The following RIMS4 variants were observed in gnomAD, a reference collection of about 807,000 sequenced individuals.
The protein encoded by RIMS4 is regulating synaptic membrane exocytosis protein 4.
A neutral mutation model predicts 29.0 loss-of-function variants in RIMS4; 9 were observed. The ratio of observed to expected loss-of-function variants is 0.31; its 90% CI spans 0.19 to 0.54. The LOEUF (loss-of-function observed/expected upper bound fraction) is 0.54. RIMS4 is among the 20% of genes least tolerant of loss of function. RIMS4 has a pLI of 0.94. For missense variants in RIMS4, 193 were observed against 365.7 expected (o/e 0.53, Z 3.85); for synonymous variants, 130 against 152.9 (o/e 0.85, Z 1.10).
chr20:44,788,296 TAGCCACCTGTGACTAGTGGCTAC>T (rs2066217508), intron 1 of RIMS4, among the ~76,000 whole-genome samples: 1 of 152,176 alleles, frequency 6.6e-6, no homozygotes, highest in Non-Finnish European at 1.5e-5. Flanking sequence ...AAGTGCTGAG[TAGCCACCTGTGACTAGTGGCTAC>T]AGTATCGCAC....
At chr20:44,787,845 T>C (rs980138378) in intron 1 of RIMS4, among the ~76,000 whole-genome samples, 3 of 152,290 alleles carry the variant, frequency 2.0e-5, no homozygotes, top group East Asian at 3.9e-4. Flanking sequence ...AAAGATGCAA[T>C]AGGGGAACAC....
intron 2 of RIMS4, among the ~76,000 whole-genome samples, chr20:44,761,377 C>T (rs1460871466): frequency 1.3e-5 from 2 of 152,202 alleles, no homozygotes; most frequent in African/African-American, 4.8e-5. Context: ...TGCTCTCACA[C>T]CTGCCACTAG....
chr20:44,799,543 C>T (rs751801791), intron 1 of RIMS4, among the ~76,000 whole-genome samples: 1 of 152,164 alleles, frequency 6.6e-6, no homozygotes, highest in African/African-American at 2.4e-5. Context: ...CTGCTCAAGA[C>T]ATTTGCTGAG....
chr20:44,770,332 T>C (rs2145453061), intron 2 of RIMS4, among the ~76,000 whole-genome samples: 1 of 152,260 alleles, frequency 6.6e-6, no homozygotes, highest in South Asian at 2.1e-4. Flanking sequence ...GGAAGTTGCT[T>C]TGGATCAAAG....
At chr20:44,769,169 C>T (rs948358928) in intron 2 of RIMS4, among the ~76,000 whole-genome samples, 5 of 152,178 alleles carry the variant, frequency 3.3e-5, no homozygotes, top group Non-Finnish European at 7.3e-5. Context: ...CCCTTAAAAC[C>T]CATTACAGCA....
At chr20:44,771,561 C>T (rs1412925804) in intron 1 of RIMS4, 148 bp from the exon 2 acceptor site, 3 of 703,706 alleles carry the variant, frequency 4.3e-6, no homozygotes, top group Non-Finnish European at 2.3e-6. Context: ...TCCTCAGACT[C>T]CTGGCCTCAC....
chr20:44,775,196 T>C (rs2066154633), intron 1 of RIMS4, among the ~76,000 whole-genome samples: 1 of 152,016 alleles, frequency 6.6e-6, no homozygotes, highest in South Asian at 2.1e-4. Context: ...CAGGGAGAAA[T>C]GAACAGCCTC....
At chr20:44,808,290 T>C (rs2145483847) in intron 1 of RIMS4, among the ~76,000 whole-genome samples, 1 of 152,286 alleles carries the variant, frequency 6.6e-6, no homozygotes, top group East Asian at 1.9e-4. Context: ...AAAAATATCA[T>C]TAATACTACT....
chr20:44,764,211 C>T (rs2066103075), intron 2 of RIMS4, among the ~76,000 whole-genome samples: 1 of 150,582 alleles, frequency 6.6e-6, no homozygotes, highest in East Asian at 1.9e-4. Context: ...TCCATCCATC[C>T]ACCCATCCAT....
chr20:44,808,887 G>C (rs1306657959), intron 1 of RIMS4, among the ~76,000 whole-genome samples: 2 of 152,174 alleles, frequency 1.3e-5, no homozygotes, highest in African/African-American at 4.8e-5. Context: ...TAAAACCGTA[G>C]GCTACATTTT....
At chr20:44,758,315 AG>A in intron 2 of RIMS4, 131 bp from the exon 3 acceptor site, 3 of 636,330 alleles carry the variant, frequency 4.7e-6, no homozygotes, top group East Asian at 5.7e-5. Flanking sequence ...AGGTTTACCC[AG>A]TATCTGGCTC....
intron 4 of RIMS4, 111 bp from the exon 5 acceptor site, chr20:44,757,148 T>A (rs773288873): frequency 3.2e-5 from 39 of 1,226,210 alleles, no homozygotes; most frequent in Non-Finnish European, 3.7e-5. Context: ...TGTGCCCCCA[T>A]GGGGTCTGGG....
rs1245301379 is a variant in RIMS4 at position 44,805,299 on chromosome 20, C to G, written c.97+4876G>C. 2.0e-5 allele frequency among the ~76,000 whole-genome samples: 3 copies of G among 152,044 alleles called. No individual in the cohort carries two copies. The East Asian group carries it at 5.8e-4, about 29-fold the overall frequency. The stretch of plus-strand genomic sequence containing the variant: ...CCACCTTGGGCGACAGAGGGAGACC[C>G]TGCCTCAAAGTAAATAAATAAATAA... On this transcript the variant is annotated intron_variant, in intron 1 of 5. Coordinates refer to ENST00000372851, the MANE Select transcript of RIMS4 (RefSeq NM_182970.4).
At chr20:44,771,519 C>T (rs1224817746) in intron 1 of RIMS4, 106 bp from the exon 2 acceptor site, 13 of 1,255,894 alleles carry the variant, frequency 1.0e-5, no homozygotes, top group Non-Finnish European at 1.4e-5. Context: ...GGGGGCTGTC[C>T]AGCTTCAGCC....
At chr20:44,759,794 A>G (rs2066076482) in intron 2 of RIMS4, among the ~76,000 whole-genome samples, 1 of 152,222 alleles carries the variant, frequency 6.6e-6, no homozygotes, top group South Asian at 2.1e-4. Flanking sequence ...CATAAACTCT[A>G]CTAGCTACCC....
intron 1 of RIMS4, among the ~76,000 whole-genome samples, chr20:44,782,260 C>T (rs575525612): frequency 9.2e-5 from 14 of 152,172 alleles, no homozygotes; most frequent in Non-Finnish European, 1.6e-4. Context: ...AGTTCTTGTT[C>T]ATACTTAACA....
chr20:44,757,988 A>AAGGGGAAGGAGGGAGAG, intron 3 of RIMS4, 84 bp downstream of exon 3: 1 of 1,109,804 alleles, frequency 9.0e-7, no homozygotes, highest in Admixed American at 2.0e-5. Context: ...TCAACAGGCA[A>AAGGGGAAGGAGGGAGAG]AGGGGAAGGA....
At chr20:44,773,688 C>A (rs1601027640) in intron 1 of RIMS4, among the ~76,000 whole-genome samples, 1 of 152,176 alleles carries the variant, frequency 6.6e-6, no homozygotes, top group Non-Finnish European at 1.5e-5. Flanking sequence ...ACAACTCAGT[C>A]CCCCAGAGCT....
At chr20:44,783,317 A>T (rs1170116875) in intron 1 of RIMS4, among the ~76,000 whole-genome samples, 2 of 152,262 alleles carry the variant, frequency 1.3e-5, no homozygotes, top group Non-Finnish European at 2.9e-5. Flanking sequence ...AGTATTATTC[A>T]GCCATAAAAA....
Sources: allele counts gnomAD v4.1 joint callset (sites outside exome capture counted in the v4.1 genomes callset), GRCh38; gene constraint gnomAD v4.1.1; transcripts MANE v1.5; gene names NCBI Gene and HGNC (gene_info 2026-07-23, HGNC 2026-07-21).